HLA-DPB1: variants seen among roughly 807,000 people sequenced by gnomAD.
HLA-DPB1 encodes major histocompatibility complex, class II, DP beta 1.
Under a neutral mutation model 29.4 loss-of-function variants are expected in HLA-DPB1, and 30 were observed. The ratio of observed to expected loss-of-function variants is 1.02; its 90% CI spans 0.76 to 1.38. The LOEUF (loss-of-function observed/expected upper bound fraction) is 1.38. Among genes scored for constraint, HLA-DPB1 ranks in the 40% most tolerant of loss-of-function variants. HLA-DPB1 has a pLI of 0.00. For synonymous variants in HLA-DPB1, 114 were observed against 134.0 expected (o/e 0.85, Z 1.03); for missense variants, 261 against 327.5 (o/e 0.80, Z 1.57).
At chr6:33,076,200 G>T (rs910615918) in intron 1 of HLA-DPB1, 59 bp downstream of exon 1, 2 of 1,192,844 alleles carry the variant, frequency 1.7e-6, no homozygotes, top group Admixed American at 2.0e-5. Context: ...CCTAGGGGAC[G>T]TTATCTTTAA....
chr6:33,081,509 G>T (rs188306641), intron 2 of HLA-DPB1, among the ~76,000 whole-genome samples: 1 of 152,152 alleles, frequency 6.6e-6, no homozygotes, highest in East Asian at 1.9e-4. Context: ...AAACCCAAGT[G>T]CAGTGTGAGG....
rs58649023 is a variant in HLA-DPB1, at chr6:33,088,369, A to G, written c.*1835A>G. 0.11 allele frequency among the ~76,000 whole-genome samples: 15,217 copies of G among 141,306 alleles called. 1,481 individuals carry two copies. Among genetic ancestry groups the G allele is most frequent in the African/African-American group, 0.27 (10,442 of 38,916 alleles). The allele number at this position is 141,306 out of a possible 152,430, so 92.7% of individuals were successfully genotyped here. A position where few individuals can be genotyped will look rare whatever the true frequency, so the allele number is the denominator to read the frequency against. On this transcript the variant is annotated 3_prime_UTR_variant, in exon 6 of 6. Coordinates refer to ENST00000418931, the MANE Select transcript of HLA-DPB1 (RefSeq NM_002121.6). Reference sequence around the variant, plus strand: ...GGCAGTACCCCGAGTGGAGTGAACAATCTCTGGACTAACACTTGTCAGGAT... The same window carrying G: ...GGCAGTACCCCGAGTGGAGTGAACAGTCTCTGGACTAACACTTGTCAGGAT...
chr6:33,085,338 C>A, intron 3 of HLA-DPB1, 107 bp downstream of exon 3: 5 of 972,826 alleles, frequency 5.1e-6, no homozygotes, highest in Non-Finnish European at 7.7e-6. Flanking sequence ...GGGCCATGTC[C>A]AAACCCCATC....
intron 2 of HLA-DPB1, among the ~76,000 whole-genome samples, chr6:33,084,439 T>TTG (rs1763004709): frequency 1.3e-5 from 2 of 152,174 alleles, no homozygotes; most frequent in African/African-American, 2.4e-5. Context: ...CCTAATCACA[T>TTG]TATTCCTATT....
In HLA-DPB1 at chr6:33,089,210, T is replaced by G. The variant is rs1348351128; in HGVS notation, c.*2676T>G. ...CCATAGTTGATGCCTTTTGAGCATG[T>G]TGCATTGTAAACTGTCCCTGAAATT... On this transcript the variant is annotated 3_prime_UTR_variant, in exon 6 of 6. Coordinates refer to ENST00000418931, the MANE Select transcript of HLA-DPB1 (RefSeq NM_002121.6). Among the ~76,000 whole-genome samples, 1 of 152,198 alleles carries G rather than the reference T, an allele frequency of 6.6e-6. No homozygotes were observed. Among genetic ancestry groups the G allele is most frequent in the Non-Finnish European group, 1.5e-5 (1 of 68,046 alleles).
intron 2 of HLA-DPB1, 45 bp from the exon 3 acceptor site, chr6:33,084,905 G>A (rs754499014): frequency 1.8e-6 from 2 of 1,130,676 alleles, no homozygotes; most frequent in African/African-American, 2.9e-5. Flanking sequence ...AGGAAAGAAG[G>A]ACAATCTCAA....
intron 2 of HLA-DPB1, among the ~76,000 whole-genome samples, chr6:33,082,747 G>A (rs1439820415): frequency 6.6e-6 from 1 of 152,170 alleles, no homozygotes; most frequent in Non-Finnish European, 1.5e-5. Flanking sequence ...CAGGGTGGAT[G>A]TCCACCCAAA....
At chr6:33,084,369 T>C (rs1763001416) in intron 2 of HLA-DPB1, among the ~76,000 whole-genome samples, 1 of 145,468 alleles carries the variant, frequency 6.9e-6, no homozygotes, top group Admixed American at 6.7e-5. Context: ...TTATTCAAGA[T>C]CATGCATGCT....
intron 2 of HLA-DPB1, among the ~76,000 whole-genome samples, chr6:33,082,765 G>T (rs374558159): frequency 6.6e-6 from 1 of 152,208 alleles, no homozygotes; most frequent in Non-Finnish European, 1.5e-5. Flanking sequence ...AAATCTAGAA[G>T]TAATTGAGCA....
intron 1 of HLA-DPB1, among the ~76,000 whole-genome samples, chr6:33,078,211 T>G (rs1270440053): frequency 1.3e-5 from 2 of 152,040 alleles, no homozygotes; most frequent in African/African-American, 4.8e-5. Flanking sequence ...GGTTGAGGTT[T>G]GTAGGGGGAA....
Position 33,076,289 on chromosome 6 carries a change from C to T in HLA-DPB1, c.100+148C>T, listed in dbSNP as rs116878647. 2.1e-3 allele frequency: 1,319 copies of T among 623,236 alleles called. 14 individuals carry two copies. The highest frequency in any genetic ancestry group is 0.012 in the East Asian group (422 of 36,540). 38.6% of individuals were successfully genotyped at this position (623,236 alleles called of 1,614,324 possible). A position where few individuals can be genotyped will look rare whatever the true frequency, so the allele number is the denominator to read the frequency against. On this transcript the variant is annotated intron_variant, in intron 1 of 5. Coordinates refer to ENST00000418931, the MANE Select transcript of HLA-DPB1 (RefSeq NM_002121.6). Reference sequence around the variant, plus strand: ...CTCTTCCCAGCTAGAGAAAGAGGTTCATCCCCTATAGGATAGCTTGCTACC... The same window carrying T: ...CTCTTCCCAGCTAGAGAAAGAGGTTTATCCCCTATAGGATAGCTTGCTACC...
Position 33,080,878 on chromosome 6 carries a change from G to T in HLA-DPB1, c.307G>T (p.Asp103Tyr), listed in dbSNP as rs1762823497. The T allele has an allele frequency of 6.2e-7, 1 of 1,612,294 alleles. No homozygotes were observed. Among genetic ancestry groups the T allele is most frequent in the African/African-American group, 1.3e-5 (1 of 74,920 alleles). Residue 103 changes from aspartate to tyrosine, a missense_variant, in exon 2 of 6, where the codon GAC (aspartate) becomes TAC (tyrosine). Asp to Tyr is a radical substitution (Grantham distance 160). Coordinates refer to ENST00000418931, the MANE Select transcript of HLA-DPB1 (RefSeq NM_002121.6). The surrounding 1 kb of genome is among the most constrained non-coding windows in gnomAD (Gnocchi z 4.3). The part of the protein sequence containing the change: ...DILEEKRAVP[D>Y]RMCRHNYELG... ...CCTGGAGGAGAAGCGGGCAGTGCCG[G>T]ACAGGATGTGCAGACACAACTACGA...
chr6:33,076,150 C>A lies in HLA-DPB1; in HGVS notation c.100+9C>A. 1.3e-6 allele frequency: 2 copies of A among 1,577,906 alleles called. No homozygotes were observed. The highest frequency in any genetic ancestry group is 8.7e-7 in the Non-Finnish European group (1 of 1,151,848). On this transcript the variant is annotated intron_variant, in intron 1 of 5. Transcript: ENST00000418931. ...GGGCAGGGCCACTCCAGGTAAGAGC[C>A]GAACTGCCATTCTTGGAGGGTCTGG...
intron 2 of HLA-DPB1, among the ~76,000 whole-genome samples, chr6:33,082,423 C>T (rs960664742): frequency 6.6e-6 from 1 of 151,792 alleles, no homozygotes; most frequent in Non-Finnish European, 1.5e-5. Context: ...GACTCAGTGC[C>T]CCCAGACTCA....
intron 2 of HLA-DPB1, 78 bp downstream of exon 2, chr6:33,081,013 G>A: frequency 7.0e-7 from 1 of 1,438,304 alleles, no homozygotes; most frequent in African/African-American, 1.4e-5. Context: ...AGCCGGGTTG[G>A]CCTAAGGGAC....
chr6:33,083,777 T>C (rs9277406), intron 2 of HLA-DPB1: 57,551 of 151,754 alleles, frequency 0.38, 12,308 homozygotes, highest in East Asian at 0.64. Flanking sequence ...CCTTTTCTGC[T>C]TTCTGAGGAG....
intron 1 of HLA-DPB1, 58 bp downstream of exon 1, chr6:33,076,199 C>A: frequency 8.4e-7 from 1 of 1,196,720 alleles, no homozygotes. Context: ...TCCTAGGGGA[C>A]GTTATCTTTA....
intron 1 of HLA-DPB1, among the ~76,000 whole-genome samples, chr6:33,078,176 T>C (rs936303757): frequency 6.6e-6 from 1 of 151,604 alleles, no homozygotes; most frequent in African/African-American, 2.4e-5. Context: ...TGCTGGGCAG[T>C]GAAAGGGAGG....
intron 3 of HLA-DPB1, 46 bp downstream of exon 3, chr6:33,085,277 G>A (rs781427144): frequency 2.7e-6 from 4 of 1,505,098 alleles, no homozygotes; most frequent in Admixed American, 3.7e-5. Flanking sequence ...AAGAGCAGGG[G>A]ACTCTCTGGC....
Sources: allele counts gnomAD v4.1 joint callset (sites outside exome capture counted in the v4.1 genomes callset), GRCh38; gene constraint gnomAD v4.1.1; non-coding constraint Gnocchi (gnomAD v3.1); transcripts MANE v1.5; gene names NCBI Gene and HGNC (gene_info 2026-07-23, HGNC 2026-07-21).